Variants in LARP1 observed in about 807,000 individuals in gnomAD.
LARP1 encodes la-related protein 1.
A neutral mutation model predicts 122.7 loss-of-function variants in LARP1; 36 were observed. The observed-to-expected ratio is 0.29, with a 90% CI of 0.22 to 0.39. The LOEUF (loss-of-function observed/expected upper bound fraction) is 0.39. Among genes scored for constraint, LARP1 ranks in the 10% least tolerant of loss-of-function variants. The pLI is 1.00. For synonymous variants in LARP1, 539 were observed against 528.7 expected, an observed-to-expected ratio of 1.02 and a Z score of -0.27; for missense variants, 1,040 against 1,403.6, an observed-to-expected ratio of 0.74 and a Z score of 4.14.
At chr5:154,723,407 A>G (rs1009175305) in intron 1 of LARP1, among the ~76,000 whole-genome samples, 1 of 152,154 alleles carries the variant, frequency 6.6e-6, no homozygotes, top group Non-Finnish European at 1.5e-5. Flanking sequence ...CAGCTTCCAC[A>G]TAAGTTTAGC....
At chr5:154,727,796 A>C (rs952228488) in intron 1 of LARP1, among the ~76,000 whole-genome samples, 2 of 152,190 alleles carry the variant, frequency 1.3e-5, no homozygotes, top group Non-Finnish European at 2.9e-5. Flanking sequence ...TAATAAATAA[A>C]AGAAATCTTG....
chr5:154,701,823 A>G (rs1481592464), intron 1 of LARP1, among the ~76,000 whole-genome samples: 2 of 151,906 alleles, frequency 1.3e-5, no homozygotes, highest in East Asian at 1.9e-4. Flanking sequence ...GGGTTTCACT[A>G]TGTTGGCCAG....
At chr5:154,767,681 G>A (rs1755067239) in intron 1 of LARP1, among the ~76,000 whole-genome samples, 1 of 152,204 alleles carries the variant, frequency 6.6e-6, no homozygotes, top group Non-Finnish European at 1.5e-5. Context: ...GCTTTCTGCA[G>A]CTTTGAGGTT....
chr5:154,808,413 G>A, intron 15 of LARP1, 46 bp from the exon 16 acceptor site: 1 of 1,590,186 alleles, frequency 6.3e-7, no homozygotes. Flanking sequence ...TGAAGCAAGG[G>A]CAGCCTGAAC....
At chr5:154,755,007 C>T (rs916024429), upstream of LARP1, among the ~76,000 whole-genome samples, 25 of 152,306 alleles carry the variant, frequency 1.6e-4, no homozygotes, top group African/African-American at 5.8e-4. Flanking sequence ...GCCGCTCTCA[C>T]GCGCTGGCCC....
At chr5:154,731,630 T>C (rs1756572213) in intron 1 of LARP1, among the ~76,000 whole-genome samples, 1 of 152,172 alleles carries the variant, frequency 6.6e-6, no homozygotes, top group Admixed American at 6.6e-5. Context: ...TGAAGCTGGA[T>C]TGCTGTCTCC....
chr5:154,723,919 G>A (rs1302365865), intron 1 of LARP1, among the ~76,000 whole-genome samples: 8 of 152,238 alleles, frequency 5.3e-5, no homozygotes, highest in African/African-American at 1.9e-4. Context: ...GGATTGCCAG[G>A]CTTTAGGGAG....
intron 1 of LARP1, among the ~76,000 whole-genome samples, chr5:154,757,007 T>G (rs1215618201): frequency 1.4e-5 from 2 of 147,532 alleles, no homozygotes; most frequent in Non-Finnish European, 3.0e-5. Context: ...TTGGGCGCCA[T>G]GCGCCGCGCC....
intron 1 of LARP1, among the ~76,000 whole-genome samples, chr5:154,725,678 A>G (rs1420998813): frequency 6.6e-6 from 1 of 152,206 alleles, no homozygotes; most frequent in Non-Finnish European, 1.5e-5. Flanking sequence ...GAAGCCCCAT[A>G]TTTACTTACT....
chr5:154,741,691 G>C (rs1304766442), intron 1 of LARP1, among the ~76,000 whole-genome samples: 1 of 152,206 alleles, frequency 6.6e-6, no homozygotes, highest in African/African-American at 2.4e-5. Context: ...CCAGGTGCAA[G>C]AAACGGGGGG....
rs1755297152 is a variant in LARP1 at position 154,712,990 on chromosome 5, A to G, written c.65A>G (p.Glu22Gly). The G allele has an allele frequency of 1.2e-6, 2 of 1,614,142 alleles. No homozygotes were observed. Among genetic ancestry groups the G allele is most frequent in the Admixed American group, 1.7e-5 (1 of 59,998 alleles). ...CCTCACCCAGAGCTGGATTTCCAAG[A>G]GGCTCCCATACCTAGCTGCCCTGGC... Residue 22 changes from glutamate (E) to glycine (G), a missense_variant, in exon 1 of 19, where the codon GAG becomes GGG. Physicochemically the swap from Glu to Gly is moderately conservative, Grantham distance 98. Transcript: ENST00000336314.
At chr5:154,791,810 TA>T (rs1757376438) in intron 3 of LARP1, 1 of 327,734 alleles carries the variant, frequency 3.1e-6, no homozygotes. Context: ...TTCGGTTTTT[TA>T]AAGTCCTGTG....
chr5:154,683,091 C>T (rs970636738), intron 1 of LARP1, among the ~76,000 whole-genome samples: 1 of 152,218 alleles, frequency 6.6e-6, no homozygotes, highest in Non-Finnish European at 1.5e-5. Flanking sequence ...ACCGTCTGGG[C>T]CCTTTCCCGG....
exon 1 of LARP1, chr5:154,712,899 A>G (rs767024554): frequency 1.9e-6 from 3 of 1,598,904 alleles, no homozygotes; most frequent in Middle Eastern, 1.6e-4. Context: ...CCAGGGCCAC[A>G]TAGTGACCCC....
chr5:154,802,040 T>G lies in LARP1; in HGVS notation c.1750T>G (p.Ser584Ala). The change falls in exon 11 of 19, where the codon TCT becomes GCT. Residue 584 changes from serine to alanine, a missense_variant. By Grantham distance (99) the Ser-to-Ala change is moderately conservative (BLOSUM62 1). Transcript: ENST00000518297. The surrounding 1 kb of genome is among the most constrained non-coding windows in gnomAD (Gnocchi z 5.1). ...GGAGTCCAGATTTTCCCACCTGACCTCTCTGCCTCAGCAGCTGCCTTCCCA... is the reference window on the plus strand; with the variant it reads ...GGAGTCCAGATTTTCCCACCTGACCGCTCTGCCTCAGCAGCTGCCTTCCCA... Reference protein sequence around the residue: ...SEESRFSHLTSLPQQLPSQQL... With the variant: ...SEESRFSHLTALPQQLPSQQL... 1 of 1,613,808 alleles carries G rather than the reference T, an allele frequency of 6.2e-7. No homozygotes were observed. The highest frequency in any genetic ancestry group is 8.5e-7 in the Non-Finnish European group (1 of 1,179,880).
At chr5:154,686,001 C>CA (rs1753925145) in intron 1 of LARP1, 1 of 460,522 alleles carries the variant, frequency 2.2e-6, no homozygotes, top group South Asian at 1.6e-5. Flanking sequence ...AAACTCATCA[C>CA]AATTGGGATT....
intron 10 of LARP1, among the ~76,000 whole-genome samples, chr5:154,800,324 T>C (rs968084517): frequency 6.6e-6 from 1 of 152,250 alleles, no homozygotes; most frequent in Non-Finnish European, 1.5e-5. Flanking sequence ...GCGATGTTTC[T>C]GGCTTCTTGA....
chr5:154,779,025 G>A (rs1756162176), intron 1 of LARP1, among the ~76,000 whole-genome samples: 1 of 150,266 alleles, frequency 6.7e-6, no homozygotes, highest in African/African-American at 2.5e-5. Context: ...TTCTCTCCCC[G>A]CTTACCCCAC....
At chr5:154,697,202 C>CTTTTTTTT (rs11399407) in intron 1 of LARP1, among the ~76,000 whole-genome samples, 1 of 141,564 alleles carries the variant, frequency 7.1e-6, no homozygotes, top group Admixed American at 7.1e-5. Context: ...AGCTTTTTAT[C>CTTTTTTTT]TTTTTTTTTT....
Sources: gnomAD v4.1 joint callset for allele counts (sites outside exome capture counted in the v4.1 genomes callset) on GRCh38, gnomAD v4.1.1 for gene constraint, Gnocchi (gnomAD v3.1) non-coding constraint, MANE v1.5 for transcripts, NCBI Gene and HGNC (gene_info 2026-07-23, HGNC 2026-07-21) for gene names.